PAK5: variants seen among roughly 807,000 people sequenced by gnomAD.
The protein encoded by PAK5 is serine/threonine-protein kinase PAK 5.
Under a neutral mutation model 65.9 loss-of-function variants are expected in PAK5, and 16 were observed. The ratio of observed to expected loss-of-function variants is 0.24; its 90% CI spans 0.16 to 0.37. The LOEUF is 0.37. Ranked by LOEUF, PAK5 falls within the 10% of genes least tolerant of loss-of-function variation. PAK5 has a pLI of 1.00. For missense variants in PAK5, 785 were observed against 903.9 expected, an observed-to-expected ratio of 0.87 and a Z score of 1.69; for synonymous variants, 371 against 354.9, an observed-to-expected ratio of 1.05 and a Z score of -0.51.
At chr20:9,727,752 A>C (rs535840126) in intron 1 of PAK5, among the ~76,000 whole-genome samples, 1 of 152,144 alleles carries the variant, frequency 6.6e-6, no homozygotes, top group Admixed American at 6.5e-5. Context: ...TATAATGCAA[A>C]ATGATTTTAT....
chr20:9,771,424 T>TC (rs1176480262), intron 1 of PAK5, among the ~76,000 whole-genome samples: 1 of 151,482 alleles, frequency 6.6e-6, no homozygotes, highest in African/African-American at 2.4e-5. Flanking sequence ...TTTTTTTTTT[T>TC]CTGAGATAGG....
At chr20:9,575,225 C>A (rs1192751731) in intron 4 of PAK5, among the ~76,000 whole-genome samples, 1 of 152,232 alleles carries the variant, frequency 6.6e-6, no homozygotes, top group East Asian at 1.9e-4. Flanking sequence ...GACAGGGTCT[C>A]ACTCTGTTGC....
chr20:9,702,070 T>G (rs1419809544), intron 2 of PAK5, among the ~76,000 whole-genome samples: 1 of 152,112 alleles, frequency 6.6e-6, no homozygotes, highest in East Asian at 1.9e-4. Flanking sequence ...CGAGCTTCCC[T>G]CCACCTTTGC....
chr20:9,745,345 C>T (rs973512052), intron 1 of PAK5, among the ~76,000 whole-genome samples: 3 of 151,506 alleles, frequency 2.0e-5, no homozygotes, highest in Admixed American at 6.6e-5. Flanking sequence ...GAATCACATT[C>T]GACATATCAC....
intron 2 of PAK5, among the ~76,000 whole-genome samples, chr20:9,685,772 T>C (rs963622946): frequency 6.6e-6 from 1 of 152,216 alleles, no homozygotes; most frequent in African/African-American, 2.4e-5. Context: ...TAGCACAGTG[T>C]CTAGAACATA....
In PAK5 at chr20:9,544,480, A is replaced by G. The variant is rs756237655; in HGVS notation, c.1758T>C (p.Asp586=). Residue 586 remains aspartate, a synonymous_variant, in exon 8 of 10, where the codon GAT becomes GAC. Transcript: ENST00000353224. ...LTSDGRIKLS[D]FGFCAQVSKE... is the part of the protein sequence containing the mutation. ...TGGAAACTTGAGCACAGAAACCAAAATCAGACAACTTTATCTGAAAAGGAA... is the reference window on the plus strand; with the variant it reads ...TGGAAACTTGAGCACAGAAACCAAAGTCAGACAACTTTATCTGAAAAGGAA... 1 of 1,613,954 alleles carries G rather than the reference A, an allele frequency of 6.2e-7. No homozygotes were observed. Among genetic ancestry groups the G allele is most frequent in the Non-Finnish European group, 8.5e-7 (1 of 1,179,782 alleles).
At chr20:9,619,672 C>T (rs1381300806) in intron 3 of PAK5, among the ~76,000 whole-genome samples, 2 of 152,258 alleles carry the variant, frequency 1.3e-5, no homozygotes, top group Non-Finnish European at 2.9e-5. Flanking sequence ...AGGTAAAGTA[C>T]TGGAGTCTCT....
chr20:9,573,507 T>C (rs1383139417), intron 4 of PAK5, among the ~76,000 whole-genome samples: 1 of 152,248 alleles, frequency 6.6e-6, no homozygotes, highest in Non-Finnish European at 1.5e-5. Context: ...TGATCCATGT[T>C]AGTTAAATGC....
chr20:9,669,439 T>C (rs2047463849), intron 2 of PAK5, among the ~76,000 whole-genome samples: 3 of 152,200 alleles, frequency 2.0e-5, no homozygotes, highest in Non-Finnish European at 4.4e-5. Flanking sequence ...ATGCCTTTTC[T>C]TCTATATTTA....
At chr20:9,756,338 A>T (rs991447749) in intron 1 of PAK5, among the ~76,000 whole-genome samples, 4 of 152,132 alleles carry the variant, frequency 2.6e-5, no homozygotes, top group Non-Finnish European at 5.9e-5. Flanking sequence ...TGGTTCTCTG[A>T]TGCATTGGGT....
rs2046562111 is a variant in PAK5, at chr20:9,611,618, A to G, written c.205-30688T>C. Among the ~76,000 whole-genome samples the G allele has an allele frequency of 2.6e-5, 4 of 152,292 alleles. No homozygotes were observed. In the South Asian group the frequency reaches 8.3e-4, roughly 32 times the overall value. On this transcript the variant is annotated intron_variant, in intron 3 of 9. Transcript: ENST00000353224. ...CTCACCACGGAGTTCTCCCGTGTAT[A>G]TGCAAGCTGCACGTGCTAATAAACT...
Position 9,539,051 on chromosome 20 carries a change from C to G in PAK5, c.*411G>C. Reference sequence around the variant, plus strand: ...CGTTGCAAAATACATTATACTGCTACCATTAAGAAAAAAGTGCTTTTTGTT... The same window carrying G: ...CGTTGCAAAATACATTATACTGCTAGCATTAAGAAAAAAGTGCTTTTTGTT... On this transcript the variant is annotated 3_prime_UTR_variant, in exon 10 of 10. Coordinates refer to ENST00000353224, the MANE Select transcript of PAK5 (RefSeq NM_177990.4). 1 of 235,202 alleles carries G rather than the reference C, an allele frequency of 4.3e-6. No individual in the cohort carries two copies. The highest frequency in any genetic ancestry group is 5.4e-5 in the Admixed American group (1 of 18,370). The allele number at this position is 235,202 out of a possible 1,614,324, so 14.6% of individuals were successfully genotyped here.
At chr20:9,600,639 G>A (rs1356155480) in intron 3 of PAK5, among the ~76,000 whole-genome samples, 1 of 152,190 alleles carries the variant, frequency 6.6e-6, no homozygotes, top group African/African-American at 2.4e-5. Flanking sequence ...CTGACTCTAA[G>A]GCTGCTGATT....
chr20:9,716,618 G>A (rs2092381), intron 1 of PAK5, among the ~76,000 whole-genome samples: 102,264 of 151,976 alleles, frequency 0.67, 34,641 homozygotes, highest in East Asian at 0.84. Flanking sequence ...TATTTATGCT[G>A]CAAATAGCCA....
intron 1 of PAK5, among the ~76,000 whole-genome samples, chr20:9,744,563 C>T (rs2048485534): frequency 6.6e-6 from 1 of 152,134 alleles, no homozygotes; most frequent in African/African-American, 2.4e-5. Context: ...GAATAAACAT[C>T]AGCAATTATT....
chr20:9,761,416 A>G (rs2048697852), intron 1 of PAK5, among the ~76,000 whole-genome samples: 1 of 152,224 alleles, frequency 6.6e-6, no homozygotes, highest in African/African-American at 2.4e-5. Context: ...TTCGGTGTTC[A>G]TGGATTGAAA....
At chr20:9,555,290 G>C (rs1205735736) in intron 7 of PAK5, among the ~76,000 whole-genome samples, 1 of 152,172 alleles carries the variant, frequency 6.6e-6, no homozygotes, top group East Asian at 1.9e-4. Flanking sequence ...CAGGGATGCA[G>C]GAGGTGTTTG....
chr20:9,546,128 C>T (rs2045340259), intron 7 of PAK5, among the ~76,000 whole-genome samples: 1 of 152,078 alleles, frequency 6.6e-6, no homozygotes, highest in South Asian at 2.1e-4. Flanking sequence ...CAAGATTCCC[C>T]CTGCCACACA....
intron 5 of PAK5, among the ~76,000 whole-genome samples, chr20:9,564,337 G>T (rs1368836896): frequency 6.6e-6 from 1 of 152,152 alleles, no homozygotes; most frequent in Non-Finnish European, 1.5e-5. Context: ...ACAGAGAAGG[G>T]TTAATTCCTT....
Sources: gnomAD v4.1 joint callset for allele counts (sites outside exome capture counted in the v4.1 genomes callset) on GRCh38, gnomAD v4.1.1 for gene constraint, MANE v1.5 for transcripts, NCBI Gene and HGNC (gene_info 2026-07-23, HGNC 2026-07-21) for gene names.